The following JAZF1 variants were observed in gnomAD, a reference collection of about 807,000 sequenced individuals.
JAZF1 encodes JAZF zinc finger 1, also known as juxtaposed with another zinc finger protein 1.
JAZF1 carries 8 observed loss-of-function variants against 26.4 expected under a neutral mutation model. The observed-to-expected ratio is 0.30, with a 90% CI of 0.18 to 0.55. The LOEUF is 0.55. JAZF1 is among the 20% of genes least tolerant of loss of function. The pLI is 0.94. For missense variants in JAZF1, 199 were observed against 322.0 expected (o/e 0.62, Z 2.92); for synonymous variants, 126 against 122.3 (o/e 1.03, Z -0.20).
chr7:28,086,328 T>A (rs1312362752), intron 1 of JAZF1, among the ~76,000 whole-genome samples: 2 of 152,250 alleles, frequency 1.3e-5, no homozygotes, highest in Admixed American at 6.5e-5. Context: ...TAAATTTTAC[T>A]GTTTCCGTTT....
intron 3 of JAZF1, among the ~76,000 whole-genome samples, chr7:27,868,784 C>T (rs867138615): frequency 7.2e-5 from 11 of 152,174 alleles, no homozygotes; most frequent in South Asian, 2.1e-4. Flanking sequence ...GCTCCAGTTA[C>T]CCCACTTGAA....
At chr7:27,837,310 C>T (rs575281371) in intron 4 of JAZF1, among the ~76,000 whole-genome samples, 6 of 152,344 alleles carry the variant, frequency 3.9e-5, no homozygotes, top group East Asian at 1.9e-4. Flanking sequence ...TGAATTCAGG[C>T]GAGCATGAGC....
intron 1 of JAZF1, among the ~76,000 whole-genome samples, chr7:28,064,739 GT>G (rs749874096): frequency 6.6e-6 from 1 of 151,944 alleles, no homozygotes; most frequent in African/African-American, 2.4e-5. Context: ...AAGTTTTTTT[GT>G]TTTTTGTTTT....
At chr7:27,974,354 A>G (rs1356900170) in intron 2 of JAZF1, among the ~76,000 whole-genome samples, 2 of 152,228 alleles carry the variant, frequency 1.3e-5, no homozygotes, top group Non-Finnish European at 2.9e-5. Flanking sequence ...AAGAAGTAGA[A>G]GAAGAACCAG....
At chr7:27,988,927 A>AAAC (rs1405663574) in intron 2 of JAZF1, among the ~76,000 whole-genome samples, 1 of 149,680 alleles carries the variant, frequency 6.7e-6, no homozygotes, top group Admixed American at 6.6e-5. Context: ...CTGTAAAAAA[A>AAAC]AAAAAAAAAA....
intron 1 of JAZF1, among the ~76,000 whole-genome samples, chr7:28,077,134 A>G (rs1277094319): frequency 2.6e-5 from 4 of 152,234 alleles, no homozygotes; most frequent in Admixed American, 6.5e-5. Context: ...ATGAAAAATT[A>G]TAACACCGGC....
At chr7:28,062,523 T>C (rs138398586) in intron 1 of JAZF1, among the ~76,000 whole-genome samples, 9 of 150,414 alleles carry the variant, frequency 6.0e-5, no homozygotes, top group Non-Finnish European at 8.8e-5. Context: ...ACACAGACCC[T>C]GCATGCTGCA....
In JAZF1 at chr7:27,895,487, G is replaced by A. The variant is rs571966059; in HGVS notation, c.189-71C>T. ...ATGAGGACTGATGACATTTATTAGA[G>A]TTTCAGACATGCACGACCCTGGAAA... On this transcript the variant is annotated intron_variant, in intron 2 of 4. Coordinates refer to ENST00000283928, the MANE Select transcript of JAZF1 (RefSeq NM_175061.4). 232 of 1,161,748 alleles carry A rather than the reference G, an allele frequency of 2.0e-4. No homozygotes were observed. In the African/African-American group the frequency reaches 3.2e-3, roughly 16 times the overall value. The allele number at this position is 1,161,748 out of a possible 1,614,324, so 72.0% of individuals were successfully genotyped here. A position where few individuals can be genotyped will look rare whatever the true frequency, so the allele number is the denominator to read the frequency against.
chr7:28,076,803 T>C (rs1784058580), intron 1 of JAZF1, among the ~76,000 whole-genome samples: 1 of 152,042 alleles, frequency 6.6e-6, no homozygotes, highest in South Asian at 2.1e-4. Context: ...CAAATATATA[T>C]TTAGAATTTT....
At chr7:28,090,278 C>CATT (rs2127921154) in intron 1 of JAZF1, among the ~76,000 whole-genome samples, 1 of 152,298 alleles carries the variant, frequency 6.6e-6, no homozygotes, top group African/African-American at 2.4e-5. Context: ...CATTAACTGC[C>CATT]ATTATCATCA....
chr7:27,901,728 T>C (rs763686528), intron 2 of JAZF1, among the ~76,000 whole-genome samples: 75 of 152,328 alleles, frequency 4.9e-4, no homozygotes, highest in Admixed American at 9.8e-4. Flanking sequence ...AGGCTTGTTC[T>C]GGGGCAAAGA....
intron 1 of JAZF1, among the ~76,000 whole-genome samples, chr7:28,139,240 C>T (rs985409334): frequency 4.6e-5 from 7 of 152,232 alleles, no homozygotes; most frequent in African/African-American, 1.7e-4. Flanking sequence ...CCAAAGGAAA[C>T]TCTTTGCAAG....
At chr7:27,834,674 G>A (rs995830512) in intron 4 of JAZF1, among the ~76,000 whole-genome samples, 1 of 152,222 alleles carries the variant, frequency 6.6e-6, no homozygotes, top group African/African-American at 2.4e-5. Flanking sequence ...TGCCCTGCCA[G>A]TCCCTGGCGG....
intron 1 of JAZF1, among the ~76,000 whole-genome samples, chr7:28,003,094 A>G (rs1583503163): frequency 6.6e-6 from 1 of 152,310 alleles, no homozygotes; most frequent in East Asian, 1.9e-4. Context: ...AAGGTTTTTC[A>G]ATTACATGAA....
chr7:27,956,925 G>A (rs140499925), intron 2 of JAZF1, among the ~76,000 whole-genome samples: 77 of 152,352 alleles, frequency 5.1e-4, no homozygotes, highest in Non-Finnish European at 8.4e-4. Flanking sequence ...GTGAGATCAC[G>A]CTGAGGCAAG....
intron 1 of JAZF1, among the ~76,000 whole-genome samples, chr7:28,168,755 T>C (rs1365214361): frequency 3.3e-5 from 5 of 152,174 alleles, no homozygotes; most frequent in Non-Finnish European, 5.9e-5. Context: ...AACTAAAAAC[T>C]ACACCCACAG....
chr7:28,049,067 CCCTT>C (rs968841930), intron 1 of JAZF1, among the ~76,000 whole-genome samples: 2 of 125,070 alleles, frequency 1.6e-5, no homozygotes, highest in Admixed American at 7.8e-5. Flanking sequence ...TCCCCTCCCT[CCCTT>C]CCTCTCTCTC....
At chr7:27,857,832 C>G (rs146599114) in intron 3 of JAZF1, among the ~76,000 whole-genome samples, 1 of 152,260 alleles carries the variant, frequency 6.6e-6, no homozygotes, top group Non-Finnish European at 1.5e-5. Context: ...AAAACAGGCA[C>G]AAAACAAGGA....
chr7:27,958,860 G>C (rs1785143326), intron 2 of JAZF1, among the ~76,000 whole-genome samples: 1 of 152,186 alleles, frequency 6.6e-6, no homozygotes, highest in Non-Finnish European at 1.5e-5. Flanking sequence ...AGGGCAGAAG[G>C]AGACAAGCAG....
Sources: gnomAD v4.1 joint callset for allele counts (sites outside exome capture counted in the v4.1 genomes callset) on GRCh38, gnomAD v4.1.1 for gene constraint, MANE v1.5 for transcripts, NCBI Gene and HGNC (gene_info 2026-07-23, HGNC 2026-07-21) for gene names.